The following HIPK2 variants were observed in gnomAD, a reference collection of about 807,000 sequenced individuals.
HIPK2 encodes homeodomain interacting protein kinase 2, also known as homeodomain-interacting protein kinase 2.
A neutral mutation model predicts 113.7 loss-of-function variants in HIPK2; 27 were observed. The ratio of observed to expected loss-of-function variants is 0.24; its 90% CI spans 0.17 to 0.33. HIPK2 has a LOEUF of 0.33. Among genes scored for constraint, HIPK2 ranks in the 10% least tolerant of loss-of-function variants. The pLI, the probability that HIPK2 is intolerant of heterozygous loss-of-function variation, is 1.00. For synonymous variants in HIPK2, 631 were observed against 642.2 expected, an observed-to-expected ratio of 0.98 and a Z score of 0.26; for missense variants, 1,257 against 1,588.0, an observed-to-expected ratio of 0.79 and a Z score of 3.54.
At chr7:139,706,137 G>C (rs899616790) in intron 2 of HIPK2, among the ~76,000 whole-genome samples, 3 of 152,186 alleles carry the variant, frequency 2.0e-5, no homozygotes, top group Non-Finnish European at 4.4e-5. Context: ...TTTCTGCGAA[G>C]GTATAATGGG....
At chr7:139,580,666 C>A (rs527743643) in intron 13 of HIPK2, among the ~76,000 whole-genome samples, 1 of 152,234 alleles carries the variant, frequency 6.6e-6, no homozygotes, top group Non-Finnish European at 1.5e-5. Context: ...CAGGGCCAGA[C>A]CTCTGGGAGG....
intron 1 of HIPK2, among the ~76,000 whole-genome samples, chr7:139,723,351 G>A (rs80093946): frequency 0.087 from 13,164 of 151,958 alleles, 766 homozygotes; most frequent in East Asian, 0.23. Context: ...GCGCCACCAC[G>A]CCCAGCTAAT....
At chr7:139,753,451 C>G (rs1300905926) in intron 1 of HIPK2, among the ~76,000 whole-genome samples, 1 of 152,140 alleles carries the variant, frequency 6.6e-6, no homozygotes, top group Non-Finnish European at 1.5e-5. Context: ...ACATCTGAAG[C>G]TGGGAGTGGA....
chr7:139,743,421 T>C (rs1191422142), intron 1 of HIPK2, among the ~76,000 whole-genome samples: 1 of 152,222 alleles, frequency 6.6e-6, no homozygotes, highest in Non-Finnish European at 1.5e-5. Context: ...AACTGCCAGA[T>C]CACTCTTGGA....
intron 2 of HIPK2, among the ~76,000 whole-genome samples, chr7:139,675,451 C>T (rs2116670723): frequency 6.6e-6 from 1 of 152,184 alleles, no homozygotes; most frequent in African/African-American, 2.4e-5. Flanking sequence ...ATTTAAATGT[C>T]GGCACTCACT....
intron 13 of HIPK2, among the ~76,000 whole-genome samples, chr7:139,580,156 G>A (rs985548237): frequency 3.3e-5 from 5 of 152,186 alleles, no homozygotes; most frequent in African/African-American, 9.7e-5. Flanking sequence ...CTTGCTCTGC[G>A]GCGGGTCACA....
chr7:139,692,525 G>A (rs1358383939), intron 2 of HIPK2, among the ~76,000 whole-genome samples: 4 of 152,200 alleles, frequency 2.6e-5, no homozygotes, highest in African/African-American at 2.4e-5. Flanking sequence ...AGGGGTGACC[G>A]TGGCTCCCTG....
At chr7:139,680,938 C>T (rs566922643) in intron 2 of HIPK2, among the ~76,000 whole-genome samples, 2 of 152,362 alleles carry the variant, frequency 1.3e-5, no homozygotes, top group South Asian at 2.1e-4. Flanking sequence ...GCACCCTCCC[C>T]GCCCCTGGTT....
chr7:139,726,695 C>T (rs1795586147), intron 1 of HIPK2, among the ~76,000 whole-genome samples: 2 of 152,118 alleles, frequency 1.3e-5, no homozygotes, highest in South Asian at 2.1e-4. Context: ...TGACGATCAC[C>T]CACTTTGAAA....
chr7:139,583,763 C>T (rs749253309), intron 13 of HIPK2, 54 bp downstream of exon 13: 4 of 1,575,940 alleles, frequency 2.5e-6, no homozygotes, highest in Middle Eastern at 1.7e-4. Flanking sequence ...AGCAGAAAAG[C>T]AGGAAAACCA....
chr7:139,667,909 C>T (rs1249818655), intron 2 of HIPK2, among the ~76,000 whole-genome samples: 1 of 151,400 alleles, frequency 6.6e-6, no homozygotes, highest in Non-Finnish European at 1.5e-5. Context: ...GGGTGGATCA[C>T]CTGAGGTCAG....
At chr7:139,752,311 G>A (rs933401185) in intron 1 of HIPK2, among the ~76,000 whole-genome samples, 1 of 152,118 alleles carries the variant, frequency 6.6e-6, no homozygotes, top group East Asian at 1.9e-4. Flanking sequence ...ACCTGTCATC[G>A]CCCACCCTGG....
intron 1 of HIPK2, among the ~76,000 whole-genome samples, chr7:139,736,657 G>A (rs978324315): frequency 6.6e-6 from 1 of 152,132 alleles, no homozygotes; most frequent in East Asian, 1.9e-4. Flanking sequence ...GGATGCTATC[G>A]AATAACATAA....
At chr7:139,697,770 T>C (rs2116827917) in intron 2 of HIPK2, among the ~76,000 whole-genome samples, 1 of 152,248 alleles carries the variant, frequency 6.6e-6, no homozygotes, top group African/African-American at 2.4e-5. Flanking sequence ...TCCAAAATAT[T>C]TTCATCATTT....
At chr7:139,649,930 G>A (rs1801395022) in intron 2 of HIPK2, among the ~76,000 whole-genome samples, 1 of 152,164 alleles carries the variant, frequency 6.6e-6, no homozygotes, top group South Asian at 2.1e-4. Context: ...AAAAGCAAGG[G>A]TTCTTCTGTT....
chr7:139,682,517 C>T (rs963693407), intron 2 of HIPK2, among the ~76,000 whole-genome samples: 5 of 152,282 alleles, frequency 3.3e-5, no homozygotes, highest in South Asian at 4.1e-4. Flanking sequence ...TCATCCCTCC[C>T]GCTGCGTGCC....
Position 139,571,374 on chromosome 7 carries a change from A to G in HIPK2, c.*1553T>C, listed in dbSNP as rs1798272822. 1 of 152,314 alleles carries G rather than the reference A, an allele frequency of 6.6e-6. No individual in the cohort carries two copies. The highest frequency in any genetic ancestry group is 2.1e-4 in the South Asian group (1 of 4,834). The allele number at this position is 152,314 out of a possible 1,614,324, so 9.4% of individuals were successfully genotyped here. On this transcript the variant is annotated 3_prime_UTR_variant, in exon 15 of 15. Coordinates refer to ENST00000406875, the MANE Select transcript of HIPK2 (RefSeq NM_022740.5). ...GAGACGGCTGCCTGGCGAGGCCAAC[A>G]GTCCGGAAACCTCTGGCCTCACAAA...
intron 1 of HIPK2, among the ~76,000 whole-genome samples, chr7:139,767,486 G>A (rs934293745): frequency 5.3e-5 from 8 of 152,214 alleles, no homozygotes; most frequent in East Asian, 1.9e-4. Context: ...AAATAAATAG[G>A]TGGAAGCAGA....
chr7:139,629,547 G>C (rs1211038146), intron 4 of HIPK2, among the ~76,000 whole-genome samples: 4 of 152,242 alleles, frequency 2.6e-5, no homozygotes, highest in African/African-American at 4.8e-5. Context: ...GAAACAGGAA[G>C]AGAAAGCTCC....
Sources: allele counts gnomAD v4.1 joint callset (sites outside exome capture counted in the v4.1 genomes callset), GRCh38; gene constraint gnomAD v4.1.1; transcripts MANE v1.5; gene names NCBI Gene and HGNC (gene_info 2026-07-23, HGNC 2026-07-21).